The following RGS13 variants were observed in gnomAD, a reference collection of about 807,000 sequenced individuals.
The protein encoded by RGS13 is regulator of G protein signaling 13, also known as regulator of G-protein signalling 13.
In RGS13, 14 loss-of-function variants were observed where a neutral mutation model predicts 19.9. That is an observed-to-expected ratio of 0.70 (90% CI 0.46 to 1.10). The LOEUF is 1.10. Among genes scored for constraint, RGS13 ranks in the 50% least tolerant of loss-of-function variants. The pLI is 0.00. For missense variants in RGS13, 205 were observed against 187.1 expected, an observed-to-expected ratio of 1.10 and a Z score of -0.56; for synonymous variants, 60 against 56.8, an observed-to-expected ratio of 1.06 and a Z score of -0.25.
At chr1:192,639,063 C>A (rs1663060627) in intron 3 of RGS13, among the ~76,000 whole-genome samples, 1 of 151,960 alleles carries the variant, frequency 6.6e-6, no homozygotes, top group Non-Finnish European at 1.5e-5. Context: ...ACCAAAGAAC[C>A]CTCACTGAAT....
chr1:192,651,476 A>G (rs553869985), intron 5 of RGS13, among the ~76,000 whole-genome samples: 40 of 152,106 alleles, frequency 2.6e-4, no homozygotes, highest in Non-Finnish European at 4.6e-4. Context: ...GTTACTAGTT[A>G]TATTTGGGAA....
At chr1:192,638,026 T>C (rs1234150264) in intron 2 of RGS13, 138 bp from the exon 3 acceptor site, 3 of 152,110 alleles carry the variant, frequency 2.0e-5, no homozygotes, top group Non-Finnish European at 1.5e-5. Flanking sequence ...ATTGGTGCTA[T>C]TAAACTGTCG....
At chr1:192,641,273 A>G (rs566299743) in intron 3 of RGS13, among the ~76,000 whole-genome samples, 1 of 113,792 alleles carries the variant, frequency 8.8e-6, no homozygotes, top group African/African-American at 2.7e-5. Flanking sequence ...AAAGAAAGAA[A>G]GAAAGAAAGA....
rs1045111170 is a variant in RGS13 at position 192,651,030 on chromosome 1, G to C, written c.127+3043G>C. 5.3e-5 allele frequency among the ~76,000 whole-genome samples: 8 copies of C among 152,092 alleles called. No individual in the cohort carries two copies. The East Asian group carries it at 9.7e-4, about 18-fold the overall frequency. On this transcript the variant is annotated intron_variant, in intron 5 of 6. Transcript: ENST00000391995. ...TCACAGGGCTGTGAGACCACTGAGA[G>C]GGAGAGTTCAGATAGAGGAAAACAC...
intron 5 of RGS13, among the ~76,000 whole-genome samples, chr1:192,657,547 A>C (rs895187585): frequency 6.6e-6 from 1 of 152,236 alleles, no homozygotes; most frequent in Non-Finnish European, 1.5e-5. Flanking sequence ...GTTACGCTGC[A>C]CATAATCCCT....
At chr1:192,655,066 T>A (rs1311618671) in intron 5 of RGS13, among the ~76,000 whole-genome samples, 3 of 152,118 alleles carry the variant, frequency 2.0e-5, no homozygotes. Flanking sequence ...CACCTTGTAA[T>A]TCACTTGTGG....
At chr1:192,640,460 C>T (rs1207544199) in intron 3 of RGS13, among the ~76,000 whole-genome samples, 2 of 152,128 alleles carry the variant, frequency 1.3e-5, no homozygotes, top group Non-Finnish European at 2.9e-5. Flanking sequence ...CTTCTACTAA[C>T]AAAATAAAGT....
chr1:192,640,396 T>C (rs1663084493), intron 3 of RGS13, among the ~76,000 whole-genome samples: 1 of 152,162 alleles, frequency 6.6e-6, no homozygotes, highest in African/African-American at 2.4e-5. Context: ...TTTTTCTTTC[T>C]AGAAAAAGGT....
chr1:192,658,666 G>A (rs577872698), intron 6 of RGS13: 120 of 258,420 alleles, frequency 4.6e-4, no homozygotes, highest in African/African-American at 2.5e-3. Context: ...AAAGGAGTCT[G>A]TGGCGAAAGC....
chr1:192,655,859 T>C (rs1663428583), intron 5 of RGS13, among the ~76,000 whole-genome samples: 2 of 151,848 alleles, frequency 1.3e-5, no homozygotes. Flanking sequence ...AAACAGATCG[T>C]GAAGACAGAA....
chr1:192,659,624 A>G lies in RGS13; in HGVS notation c.*101A>G. ...AAATCAGAAACACAGTACAAATAAA[A>G]CAGAAATCAAACTATAAGTTGACTT... On this transcript the variant is annotated 3_prime_UTR_variant, in exon 7 of 7. Transcript: ENST00000391995. 1.2e-6 allele frequency: 1 copy of G among 805,326 alleles called. No individual in the cohort carries two copies. Among genetic ancestry groups the G allele is most frequent in the Non-Finnish European group, 2.0e-6 (1 of 509,138 alleles). The allele number at this position is 805,326 out of a possible 1,614,324, so 49.9% of individuals were successfully genotyped here. A position where few individuals can be genotyped will look rare whatever the true frequency, so the allele number is the denominator to read the frequency against.
chr1:192,650,152 G>A (rs1018571409), intron 5 of RGS13, among the ~76,000 whole-genome samples: 4 of 152,068 alleles, frequency 2.6e-5, no homozygotes, highest in African/African-American at 9.7e-5. Context: ...TATTTGGCAA[G>A]GATTTCAAGT....
chr1:192,659,638 A>T lies in RGS13; in HGVS notation c.*115A>T. 1 of 740,564 alleles carries T rather than the reference A, an allele frequency of 1.4e-6. No homozygotes were observed. The highest frequency in any genetic ancestry group is 2.2e-6 in the Non-Finnish European group (1 of 455,588). 45.9% of individuals were successfully genotyped at this position (740,564 alleles called of 1,614,324 possible). A position where few individuals can be genotyped will look rare whatever the true frequency, so the allele number is the denominator to read the frequency against. On this transcript the variant is annotated 3_prime_UTR_variant, in exon 7 of 7. Coordinates refer to ENST00000391995, the MANE Select transcript of RGS13 (RefSeq NM_002927.5). ...GTACAAATAAAACAGAAATCAAACT[A>T]TAAGTTGACTTTTAGTTCCTAAAAA...
Position 192,656,814 on chromosome 1 carries a change from T to C in RGS13, c.128-1387T>C, listed in dbSNP as rs540633324. ...AGAGATCTACTTCTATTTGAGTTCT[T>C]TTGCTTGAAGACAAAATACTTCGTT... is the stretch of plus-strand genomic sequence containing the variant. On this transcript the variant is annotated intron_variant, in intron 5 of 6. Transcript: ENST00000391995. 3.3e-5 allele frequency among the ~76,000 whole-genome samples: 5 copies of C among 152,196 alleles called. No individual in the cohort carries two copies. The East Asian group carries it at 9.6e-4, about 29-fold the overall frequency.
Position 192,644,389 on chromosome 1 carries a change from C to A in RGS13, c.55C>A (p.Pro19Thr). 6.2e-7 allele frequency: 1 copy of A among 1,609,508 alleles called. No homozygotes were observed. Among genetic ancestry groups the A allele is most frequent in the Non-Finnish European group, 8.5e-7 (1 of 1,176,866 alleles). ...GATGTGCAGAGATGAATCTAAGAGG[C>A]CCCCTTCAAAGTAAGTAGCATTTAA... Reference protein sequence around the residue: ...CKMCRDESKRPPSNLTLEEVL... With the variant: ...CKMCRDESKRTPSNLTLEEVL... Residue 19 changes from proline (P) to threonine (T), a missense_variant, in exon 4 of 7, where the codon CCC (proline) becomes ACC (threonine). Physicochemically the swap from Pro to Thr is conservative, Grantham distance 38. Coordinates refer to ENST00000391995, the MANE Select transcript of RGS13 (RefSeq NM_002927.5).
intron 3 of RGS13, among the ~76,000 whole-genome samples, chr1:192,641,992 T>A (rs2102029742): frequency 6.6e-6 from 1 of 152,260 alleles, no homozygotes; most frequent in African/African-American, 2.4e-5. Flanking sequence ...ATCCCTCACC[T>A]GAACTCCTGC....
chr1:192,642,901 C>G (rs1177329418), intron 3 of RGS13, among the ~76,000 whole-genome samples: 1 of 151,962 alleles, frequency 6.6e-6, no homozygotes, highest in Non-Finnish European at 1.5e-5. Flanking sequence ...ACTCTGTTGC[C>G]CCAGCTACAG....
intron 6 of RGS13, 122 bp downstream of exon 6, chr1:192,658,489 C>T: frequency 1.1e-6 from 1 of 874,426 alleles, no homozygotes; most frequent in Non-Finnish European, 1.7e-6. Flanking sequence ...GCTATAAATT[C>T]AGTATTGCTA....
intron 3 of RGS13, among the ~76,000 whole-genome samples, chr1:192,643,733 T>C (rs886230599): frequency 2.6e-5 from 4 of 152,168 alleles, no homozygotes; most frequent in African/African-American, 9.6e-5. Flanking sequence ...GCAGGTTGTT[T>C]GGGCCCAGGA....
Sources: allele counts gnomAD v4.1 joint callset (sites outside exome capture counted in the v4.1 genomes callset), GRCh38; gene constraint gnomAD v4.1.1; transcripts MANE v1.5; gene names NCBI Gene and HGNC (gene_info 2026-07-23, HGNC 2026-07-21).